STK32B: variants seen among roughly 807,000 people sequenced by gnomAD.
The protein encoded by STK32B is serine/threonine kinase 32B, also known as serine/threonine-protein kinase 32B.
In STK32B, 43 loss-of-function variants were observed where a neutral mutation model predicts 52.6. The observed-to-expected ratio is 0.82, with a 90% CI of 0.64 to 1.05. The LOEUF (loss-of-function observed/expected upper bound fraction) is 1.05, where lower values mean the gene tolerates loss of function less well. STK32B is among the 50% of genes least tolerant of loss of function. STK32B has a pLI of 0.00. For missense variants in STK32B, 621 were observed against 534.6 expected (o/e 1.16, Z -1.59); for synonymous variants, 238 against 204.3 (o/e 1.17, Z -1.41).
intron 11 of STK32B, among the ~76,000 whole-genome samples, chr4:5,493,849 T>G (rs1429173525): frequency 6.6e-6 from 1 of 152,266 alleles, no homozygotes; most frequent in African/African-American, 2.4e-5. Context: ...CAGTAGTCAT[T>G]CAGGAGCAGG....
chr4:5,319,639 T>A lies in STK32B; in HGVS notation c.261-11581T>A, dbSNP rs551964599. Among the ~76,000 whole-genome samples the A allele has an allele frequency of 2.0e-4, 30 of 152,310 alleles. 1 individual carries two copies. The highest frequency in any genetic ancestry group is 1.8e-3 in the Admixed American group (28 of 15,292). On this transcript the variant is annotated intron_variant, in intron 3 of 11. Coordinates refer to ENST00000282908, the MANE Select transcript of STK32B (RefSeq NM_018401.3). ...AGCCTTTGTTCATGCTGTTCCTTAT[T>A]TCTGGACCATTGTCCTTGCTCTCTG... is the stretch of plus-strand genomic sequence containing the variant.
intron 4 of STK32B, among the ~76,000 whole-genome samples, chr4:5,348,487 T>G (rs1346512096): frequency 6.6e-6 from 1 of 152,202 alleles, no homozygotes; most frequent in African/African-American, 2.4e-5. Context: ...AGGGAGCAAC[T>G]GGCAGTGACA....
At chr4:5,132,629 C>T (rs192901275) in intron 1 of STK32B, among the ~76,000 whole-genome samples, 206 of 150,794 alleles carry the variant, frequency 1.4e-3, no homozygotes, top group Admixed American at 6.3e-3. Flanking sequence ...CCAAGATCTT[C>T]CAGAAGAAAC....
chr4:5,457,285 G>A (rs1195736469), intron 8 of STK32B, among the ~76,000 whole-genome samples: 1 of 142,258 alleles, frequency 7.0e-6, no homozygotes, highest in African/African-American at 2.7e-5. Context: ...GCGCAGTCTC[G>A]ACTCACTGCA....
intron 3 of STK32B, among the ~76,000 whole-genome samples, chr4:5,298,090 T>A (rs1467670702): frequency 6.6e-6 from 1 of 152,114 alleles, no homozygotes; most frequent in East Asian, 1.9e-4. Flanking sequence ...CCAGACCCCA[T>A]TTGCCTGGGT....
At chr4:5,197,786 T>A (rs557469330) in intron 3 of STK32B, among the ~76,000 whole-genome samples, 15 of 152,366 alleles carry the variant, frequency 9.8e-5, no homozygotes, top group Middle Eastern at 3.4e-3. Flanking sequence ...ATTTTGAATT[T>A]TATCAGAAGC....
chr4:5,147,437 G>A (rs1716998947), intron 2 of STK32B, among the ~76,000 whole-genome samples: 1 of 152,008 alleles, frequency 6.6e-6, no homozygotes, highest in African/African-American at 2.4e-5. Flanking sequence ...CTTTATTGCA[G>A]TAGCTAAAAC....
upstream of STK32B, among the ~76,000 whole-genome samples, chr4:5,049,526 G>C (rs898221672): frequency 9.2e-5 from 14 of 152,174 alleles, no homozygotes; most frequent in African/African-American, 3.4e-4. Context: ...AAGTCAAAGG[G>C]GTTCTCTGGG....
At chr4:5,325,712 C>T (rs868668171) in intron 3 of STK32B, among the ~76,000 whole-genome samples, 9 of 152,182 alleles carry the variant, frequency 5.9e-5, no homozygotes, top group African/African-American at 2.2e-4. Context: ...TTTGCTCTTG[C>T]AAGGAGAGCC....
chr4:5,163,437 T>A (rs1210292686), intron 2 of STK32B, among the ~76,000 whole-genome samples: 2 of 151,934 alleles, frequency 1.3e-5, no homozygotes, highest in Non-Finnish European at 1.5e-5. Flanking sequence ...AGATGTAAAT[T>A]GGGTGGCAGT....
intron 4 of STK32B, among the ~76,000 whole-genome samples, chr4:5,382,806 C>T (rs1039761806): frequency 2.0e-5 from 3 of 152,298 alleles, no homozygotes; most frequent in South Asian, 2.1e-4. Flanking sequence ...ATTTAATTCT[C>T]ACAACAGCCG....
intron 5 of STK32B, among the ~76,000 whole-genome samples, chr4:5,410,418 G>A (rs922144287): frequency 6.6e-6 from 1 of 152,236 alleles, no homozygotes; most frequent in Non-Finnish European, 1.5e-5. Flanking sequence ...GAAAGCAGAT[G>A]ACCGTGTGTA....
chr4:5,187,911 A>G (rs1560208292), intron 3 of STK32B, among the ~76,000 whole-genome samples: 1 of 152,166 alleles, frequency 6.6e-6, no homozygotes, highest in Admixed American at 6.6e-5. Context: ...AGGGAGAGGA[A>G]GGAAGCGTGG....
intron 7 of STK32B, among the ~76,000 whole-genome samples, chr4:5,448,963 C>A (rs1715724322): frequency 6.6e-6 from 1 of 152,104 alleles, no homozygotes. Context: ...GGAGTTATCC[C>A]CCCTCTTGGA....
chr4:5,140,258 A>T, intron 2 of STK32B: 1 of 1,411,538 alleles, frequency 7.1e-7, no homozygotes, highest in Non-Finnish European at 9.4e-7. Context: ...AAAACCCATA[A>T]ACATCACAAA....
intron 6 of STK32B, among the ~76,000 whole-genome samples, chr4:5,441,287 G>A (rs561856379): frequency 6.6e-6 from 1 of 151,910 alleles, no homozygotes; most frequent in South Asian, 2.1e-4. Flanking sequence ...TTCAGCTCCT[G>A]TTATTGGTCT....
chr4:5,313,505 C>A (rs1484582473), intron 3 of STK32B, among the ~76,000 whole-genome samples: 5 of 151,888 alleles, frequency 3.3e-5, no homozygotes, highest in African/African-American at 7.3e-5. Flanking sequence ...GAAGTTCTAG[C>A]AACTGCAGTA....
intron 4 of STK32B, among the ~76,000 whole-genome samples, chr4:5,373,168 C>G (rs1006745092): frequency 6.6e-6 from 1 of 152,114 alleles, no homozygotes; most frequent in Admixed American, 6.5e-5. Flanking sequence ...TTTCTAGGCA[C>G]TCATGCATAT....
chr4:5,285,976 T>A (rs1348765614), intron 3 of STK32B, among the ~76,000 whole-genome samples: 2 of 151,938 alleles, frequency 1.3e-5, no homozygotes, highest in African/African-American at 2.4e-5. Flanking sequence ...ATGACTGATA[T>A]CCATATAGAA....
Sources: gnomAD v4.1 joint callset for allele counts (sites outside exome capture counted in the v4.1 genomes callset) on GRCh38, gnomAD v4.1.1 for gene constraint, MANE v1.5 for transcripts, NCBI Gene and HGNC (gene_info 2026-07-23, HGNC 2026-07-21) for gene names.